PXN: variants seen among roughly 807,000 people sequenced by gnomAD.
PXN encodes paxillin, also known as testicular tissue protein Li 134.
Under a neutral mutation model 103.6 loss-of-function variants are expected in PXN, and 61 were observed. That is an observed-to-expected ratio of 0.59 (90% CI 0.48 to 0.73). The LOEUF (loss-of-function observed/expected upper bound fraction) is 0.73. PXN is among the 30% of genes least tolerant of loss of function. The pLI, the probability that PXN is intolerant of heterozygous loss-of-function variation, is 0.00. For synonymous variants in PXN, 562 were observed against 607.8 expected (o/e 0.92, Z 1.11); for missense variants, 1,274 against 1,460.3 (o/e 0.87, Z 2.08).
Position 120,223,983 on chromosome 12 carries a change from C to A in PXN, c.241-150G>T, listed in dbSNP as rs1486736123. The A allele has an allele frequency of 3.6e-6, 3 of 835,540 alleles. No individual in the cohort carries two copies. In the Admixed American group the frequency reaches 7.8e-5, roughly 22 times the overall value. 51.8% of individuals were successfully genotyped at this position (835,540 alleles called of 1,614,324 possible). A position where few individuals can be genotyped will look rare whatever the true frequency, so the allele number is the denominator to read the frequency against. On this transcript the variant is annotated intron_variant, in intron 2 of 14. Transcript: ENST00000637617. Reference sequence around the variant, plus strand: ...TTGGGCCAGGAAACCTGTGATTAACCACTTGGTCACTGTTCCACTCACGTG... The same window carrying A: ...TTGGGCCAGGAAACCTGTGATTAACAACTTGGTCACTGTTCCACTCACGTG...
rs2136150722 is a variant in PXN, at chr12:120,212,121, G to T, written c.*193C>A. ...GGAGAGCTACAGGAGGGAGGAGGGG[G>T]CCCAGAGGCTCTGGCAGGGGTGAAG... On this transcript the variant is annotated 3_prime_UTR_variant, in exon 15 of 15. Coordinates refer to ENST00000637617, the MANE Select transcript of PXN (RefSeq NM_001385981.1). This position sits in a 1 kb window ranked among gnomAD's most constrained non-coding sequence, Gnocchi z 7.2. 1.2e-6 allele frequency: 1 copy of T among 844,306 alleles called. No individual in the cohort carries two copies. Among genetic ancestry groups the T allele is most frequent in the Non-Finnish European group, 2.0e-6 (1 of 505,668 alleles). The allele number at this position is 844,306 out of a possible 1,614,324, so 52.3% of individuals were successfully genotyped here. A position where few individuals can be genotyped will look rare whatever the true frequency, so the allele number is the denominator to read the frequency against.
At position 120,228,939 on chromosome 12, in the gene PXN, G is replaced by A. The variant is rs1887461393; in HGVS notation, c.14-4562C>T. ...ACTACGGCCAGGCTGAGAGGAAGAA[G>A]CCCTTCCCTGGGCCTCAGCAACTGA... On this transcript the variant is annotated intron_variant, in intron 1 of 14. Coordinates refer to ENST00000637617, the MANE Select transcript of PXN (RefSeq NM_001385981.1). This position sits in a 1 kb window ranked among gnomAD's most constrained non-coding sequence, Gnocchi z 4.7. Among the ~76,000 whole-genome samples, 1 of 152,214 alleles carries A rather than the reference G, an allele frequency of 6.6e-6. No homozygotes were observed. Among genetic ancestry groups the A allele is most frequent in the Non-Finnish European group, 1.5e-5 (1 of 68,024 alleles).
chr12:120,215,018 C>T lies in PXN; in HGVS notation c.2575-20G>A, dbSNP rs1020642317. The T allele has an allele frequency of 9.9e-6, 16 of 1,610,038 alleles. No homozygotes were observed. Among genetic ancestry groups the T allele is most frequent in the African/African-American group, 1.3e-5 (1 of 74,822 alleles). On this transcript the variant is annotated intron_variant, in intron 11 of 14. Transcript: ENST00000637617. The surrounding 1 kb of genome is among the most constrained non-coding windows in gnomAD (Gnocchi z 4.9). ...CACAACCTGAGGAGGAGATGGAATG[C>T]GGTCCAGGGCCAAGGCCAGCCCCGG...
chr12:120,265,696 C>G lies in PXN; in HGVS notation c.-67G>C, dbSNP rs947162125. On this transcript the variant is annotated 5_prime_UTR_variant, in exon 1 of 15. Coordinates refer to ENST00000637617, the MANE Select transcript of PXN (RefSeq NM_001385981.1). The surrounding 1 kb of genome is among the most constrained non-coding windows in gnomAD (Gnocchi z 5.7). ...CGTCCCGGGGCCGCTCGTCTATGCC[C>G]CGCAACTTTTCCGCCGCGAGCCTCG... is the stretch of plus-strand genomic sequence containing the variant. 79 of 1,308,178 alleles carry G rather than the reference C, an allele frequency of 6.0e-5. No homozygotes were observed. The African/African-American group carries it at 1.2e-3, about 20-fold the overall frequency. 81.0% of individuals were successfully genotyped at this position (1,308,178 alleles called of 1,614,324 possible). A position where few individuals can be genotyped will look rare whatever the true frequency, so the allele number is the denominator to read the frequency against.
At position 120,215,850 on chromosome 12, in the gene PXN, A is replaced by G; in HGVS notation, c.2302-189T>C. On this transcript the variant is annotated intron_variant, in intron 9 of 14. Coordinates refer to ENST00000637617, the MANE Select transcript of PXN (RefSeq NM_001385981.1). This position sits in a 1 kb window ranked among gnomAD's most constrained non-coding sequence, Gnocchi z 4.9. ...TGAGAGAGAGGCCTAGGGAGAAAGG[A>G]AGAAGGACAGGGAGGGGAGTCGACC... is the stretch of plus-strand genomic sequence containing the variant. The G allele has an allele frequency of 1.5e-6, 2 of 1,313,428 alleles. No individual in the cohort carries two copies. The highest frequency in any genetic ancestry group is 5.5e-5 in the Admixed American group (2 of 36,682). The allele number at this position is 1,313,428 out of a possible 1,614,324, so 81.4% of individuals were successfully genotyped here. A position where few individuals can be genotyped will look rare whatever the true frequency, so the allele number is the denominator to read the frequency against.
At chr12:120,241,897 G>A (rs772368965) in intron 1 of PXN, among the ~76,000 whole-genome samples, 2 of 152,178 alleles carry the variant, frequency 1.3e-5, no homozygotes, top group Non-Finnish European at 2.9e-5. Context: ...GGGCTCAATT[G>A]GAGGAAGAGC....
At chr12:120,238,665 T>C (rs1422475402) in intron 1 of PXN, among the ~76,000 whole-genome samples, 4 of 152,202 alleles carry the variant, frequency 2.6e-5, no homozygotes, top group Non-Finnish European at 1.5e-5. Flanking sequence ...TGTTTGGAAG[T>C]TGGATTTTGA....
intron 1 of PXN, among the ~76,000 whole-genome samples, chr12:120,254,143 T>C (rs1479861349): frequency 6.6e-6 from 1 of 152,050 alleles, no homozygotes; most frequent in African/African-American, 2.4e-5. Context: ...CCTCCCAAAG[T>C]GCTGGGATTA....
intron 1 of PXN, among the ~76,000 whole-genome samples, chr12:120,227,943 G>A (rs1021647327): frequency 5.3e-5 from 8 of 152,198 alleles, no homozygotes; most frequent in Admixed American, 4.6e-4. Flanking sequence ...ACACAGGAAG[G>A]AGTCCACTTG....
rs1471091211 is a variant in PXN, at chr12:120,219,850, G to A, written c.1073C>T (p.Pro358Leu). The change falls in exon 7 of 15, where the codon CCT becomes CTT. Residue 358 changes from proline to leucine, a missense_variant. By Grantham distance (98) the Pro-to-Leu change is moderately conservative. Coordinates refer to ENST00000637617, the MANE Select transcript of PXN (RefSeq NM_001385981.1). The surrounding 1 kb of genome is among the most constrained non-coding windows in gnomAD (Gnocchi z 6.5). ...GGGAGACCTTGAGTTGAAGGTGTCA[G>A]GCATCACCCCAAGACCAGCCAAATC... Reference protein sequence around the residue: ...WLDLAGLGVMPDTFNSRSPSV... With the variant: ...WLDLAGLGVMLDTFNSRSPSV... The A allele has an allele frequency of 6.3e-7, 1 of 1,598,332 alleles. No individual in the cohort carries two copies. Among genetic ancestry groups the A allele is most frequent in the African/African-American group, 1.3e-5 (1 of 74,924 alleles).
In PXN at chr12:120,217,186, T is replaced by C; in HGVS notation, c.1717-70A>G. The C allele has an allele frequency of 3.2e-6, 4 of 1,257,178 alleles. No individual in the cohort carries two copies. The highest frequency in any genetic ancestry group is 4.4e-6 in the Non-Finnish European group (4 of 899,044). 77.9% of individuals were successfully genotyped at this position (1,257,178 alleles called of 1,614,324 possible). ...TTGCACAACGCTGCTCAGGCCACACTCAGATGCCTCAGGAGAGGGAGCACA... is the reference window on the plus strand; with the variant it reads ...TTGCACAACGCTGCTCAGGCCACACCCAGATGCCTCAGGAGAGGGAGCACA... On this transcript the variant is annotated intron_variant, in intron 7 of 14. Transcript: ENST00000637617. This position sits in a 1 kb window ranked among gnomAD's most constrained non-coding sequence, Gnocchi z 4.1.
rs1325851694 is a variant in PXN at position 120,212,499 on chromosome 12, G to A, written c.3061C>T (p.Arg1021Cys). The A allele has an allele frequency of 8.1e-6, 13 of 1,613,814 alleles. No individual in the cohort carries two copies. The highest frequency in any genetic ancestry group is 3.3e-5 in the South Asian group (3 of 91,090). Residue 1021 changes from arginine (R) to cysteine (C), a missense_variant, in exon 15 of 15, where the codon CGC becomes TGC. Physicochemically the swap from Arg to Cys is radical, Grantham distance 180 (BLOSUM62 -3). Coordinates refer to ENST00000637617, the MANE Select transcript of PXN (RefSeq NM_001385981.1). This position sits in a 1 kb window ranked among gnomAD's most constrained non-coding sequence, Gnocchi z 7.2. ...PYCEVHYHER[R>C]GSLCSGCQKP... is the part of the protein sequence containing the mutation. ...TGGCAGCCAGAACACAGCGAGCCGC[G>A]CCGCTCGTGGTAGTGCACCTCACAG...
Position 120,221,631 on chromosome 12 carries a change from C to A in PXN, c.823G>T (p.Asp275Tyr), listed in dbSNP as rs1487472575. 1 of 1,561,680 alleles carries A rather than the reference C, an allele frequency of 6.4e-7. No individual in the cohort carries two copies. The highest frequency in any genetic ancestry group is 1.2e-5 in the South Asian group (1 of 84,612). ...GAGGGTTCACAGGGCACCTTGAAAT[C>A]CGACAGCGAAGCCATCAGCTCGTCC... ...ELDELMASLS[D>Y]FKTSSSTVAL... is the part of the protein sequence containing the mutation. Residue 275 changes from aspartate (D) to tyrosine (Y), a missense_variant, in exon 6 of 15, where the codon GAT (aspartate) becomes TAT (tyrosine). Asp to Tyr is a radical substitution (Grantham distance 160, BLOSUM62 -3). This residue lies in a region of PXN where 1,178 missense variants were observed against 1,309.0 expected (regional missense o/e 0.90). Coordinates refer to ENST00000637617, the MANE Select transcript of PXN (RefSeq NM_001385981.1). This position sits in a 1 kb window ranked among gnomAD's most constrained non-coding sequence, Gnocchi z 6.6.
rs1594346018 is a variant in PXN at position 120,215,429 on chromosome 12, G to A, written c.2403+131C>T. On this transcript the variant is annotated intron_variant, in intron 10 of 14. Coordinates refer to ENST00000637617, the MANE Select transcript of PXN (RefSeq NM_001385981.1). This position sits in a 1 kb window ranked among gnomAD's most constrained non-coding sequence, Gnocchi z 4.9. Reference sequence around the variant, plus strand: ...AGGGGCCAGGAGCCCTAAAGTGGGAGTGACGTCAGCAGGACTCCTGGTGGT... The same window carrying A: ...AGGGGCCAGGAGCCCTAAAGTGGGAATGACGTCAGCAGGACTCCTGGTGGT... The A allele has an allele frequency of 3.4e-6, 5 of 1,452,010 alleles. No homozygotes were observed. The East Asian group carries it at 1.2e-4, about 36-fold the overall frequency. 89.9% of individuals were successfully genotyped at this position (1,452,010 alleles called of 1,614,324 possible). A position where few individuals can be genotyped will look rare whatever the true frequency, so the allele number is the denominator to read the frequency against.
At position 120,222,479 on chromosome 12, in the gene PXN, G is replaced by A. The variant is rs957459573; in HGVS notation, c.695+70C>T. On this transcript the variant is annotated intron_variant, in intron 5 of 14. Coordinates refer to ENST00000637617, the MANE Select transcript of PXN (RefSeq NM_001385981.1). This position sits in a 1 kb window ranked among gnomAD's most constrained non-coding sequence, Gnocchi z 4.7. ...GAGTGGGTGATACCAGGGCTAAGGGGACAGACACTGGACCCGGGGCAGGCT... is the reference window on the plus strand; with the variant it reads ...GAGTGGGTGATACCAGGGCTAAGGGAACAGACACTGGACCCGGGGCAGGCT... 4 of 1,465,400 alleles carry A rather than the reference G, an allele frequency of 2.7e-6. No homozygotes were observed. Among genetic ancestry groups the A allele is most frequent in the African/African-American group, 2.8e-5 (2 of 70,744 alleles). The allele number at this position is 1,465,400 out of a possible 1,614,324, so 90.8% of individuals were successfully genotyped here.
In PXN at chr12:120,236,486, T is replaced by TC. The variant is rs1206433067; in HGVS notation, c.14-12110_14-12109insG. Among the ~76,000 whole-genome samples the TC allele has an allele frequency of 2.0e-5, 3 of 151,152 alleles. No individual in the cohort carries two copies. The East Asian group carries it at 5.8e-4, about 29-fold the overall frequency. On this transcript the variant is annotated intron_variant, in intron 1 of 14. Transcript: ENST00000637617. ...CCATGCCCAGATGATCTTTTTTTTT[T>TC]TTTTTTTTTGAGACGGAGTCTCACT...
At chr12:120,263,278 C>T (rs573984755) in intron 1 of PXN, among the ~76,000 whole-genome samples, 1 of 152,336 alleles carries the variant, frequency 6.6e-6, no homozygotes, top group Admixed American at 6.5e-5. Context: ...AATTCCTCTC[C>T]CCTCCTGCAC....
intron 1 of PXN, among the ~76,000 whole-genome samples, chr12:120,258,984 G>A (rs1442113886): frequency 6.6e-6 from 1 of 152,048 alleles, no homozygotes; most frequent in Admixed American, 6.6e-5. Flanking sequence ...CAGCAGAATC[G>A]CTTGAACCCA....
intron 1 of PXN, among the ~76,000 whole-genome samples, chr12:120,230,929 C>T (rs866298020): frequency 3.3e-5 from 5 of 152,200 alleles, no homozygotes; most frequent in Non-Finnish European, 7.3e-5. Flanking sequence ...CAACTGTCTC[C>T]TCTCCAAGAA....
Sources: gnomAD v4.1 joint callset for allele counts (sites outside exome capture counted in the v4.1 genomes callset) on GRCh38, gnomAD v4.1.1 for gene constraint, gnomAD v4.1.1 regional missense constraint, Gnocchi (gnomAD v3.1) non-coding constraint, MANE v1.5 for transcripts, NCBI Gene and HGNC (gene_info 2026-07-23, HGNC 2026-07-21) for gene names.